The following MALT1 variants were observed in gnomAD, a reference collection of about 807,000 sequenced individuals.
MALT1 encodes mucosa-associated lymphoid tissue lymphoma translocation protein 1.
Under a neutral mutation model 85.5 loss-of-function variants are expected in MALT1, and 36 were observed. The ratio of observed to expected loss-of-function variants is 0.42; its 90% confidence interval spans 0.32 to 0.56. The LOEUF (loss-of-function observed/expected upper bound fraction) is 0.56. Among genes scored for constraint, MALT1 ranks in the 20% least tolerant of loss-of-function variants. The pLI, the probability that MALT1 is intolerant of heterozygous loss-of-function variation, is 0.10. For missense variants in MALT1, 716 were observed against 981.6 expected, an observed-to-expected ratio of 0.73 and a Z score of 3.62; for synonymous variants, 359 against 361.3, an observed-to-expected ratio of 0.99 and a Z score of 0.07.
At chr18:58,742,704 C>A (rs1415012918) in intron 14 of MALT1, among the ~76,000 whole-genome samples, 1 of 152,010 alleles carries the variant, frequency 6.6e-6, no homozygotes, top group African/African-American at 2.4e-5. Context: ...CAGAGCGAGA[C>A]TCTGTCTCGA....
intron 1 of MALT1, among the ~76,000 whole-genome samples, chr18:58,679,801 G>T (rs2054293925): frequency 6.6e-6 from 1 of 152,036 alleles, no homozygotes; most frequent in Non-Finnish European, 1.5e-5. Context: ...CGCGTGCCTT[G>T]GCCTCCCACA....
At chr18:58,702,859 A>G (rs1314928041) in intron 4 of MALT1, among the ~76,000 whole-genome samples, 1 of 152,220 alleles carries the variant, frequency 6.6e-6, no homozygotes, top group Non-Finnish European at 1.5e-5. Flanking sequence ...CAAGACAAAA[A>G]ACCAGTCTCC....
chr18:58,721,871 T>A (rs1278038085), intron 9 of MALT1, among the ~76,000 whole-genome samples: 1 of 152,214 alleles, frequency 6.6e-6, no homozygotes, highest in Non-Finnish European at 1.5e-5. Flanking sequence ...AGGGGTTGGT[T>A]ACCAAGTCCT....
chr18:58,722,872 C>T (rs542329413), intron 9 of MALT1, among the ~76,000 whole-genome samples, 176 bp from the exon 10 acceptor site: 1 of 152,078 alleles, frequency 6.6e-6, no homozygotes, highest in African/African-American at 2.4e-5. Flanking sequence ...CTGTGTTCCT[C>T]AGAGAATATT....
rs1215242813 is a variant in MALT1, at chr18:58,723,196, T to C, written c.1167T>C (p.Tyr389=). 6.2e-7 allele frequency: 1 copy of C among 1,613,884 alleles called. No homozygotes were observed. Among genetic ancestry groups the C allele is most frequent in the South Asian group, 1.1e-5 (1 of 91,070 alleles). The change falls in exon 10 of 17, where the codon TAT becomes TAC. Residue 389 remains tyrosine, a synonymous_variant. Transcript: ENST00000649217. ...TTTCACTGTTGGATCTTACTGAATATGAGATGCGTAATGCTGTGGATGAGT... is the reference window on the plus strand; with the variant it reads ...TTTCACTGTTGGATCTTACTGAATACGAGATGCGTAATGCTGTGGATGAGT... ...KVVSLLDLTE[Y]EMRNAVDEFL...
chr18:58,711,581 A>G (rs1165779144), intron 7 of MALT1, among the ~76,000 whole-genome samples: 1 of 152,176 alleles, frequency 6.6e-6, no homozygotes, highest in Non-Finnish European at 1.5e-5. Flanking sequence ...TAGCCAAAGC[A>G]TTGTACTTAA....
Position 58,685,804 on chromosome 18 carries a change from C to T in MALT1, c.376+4468C>T, listed in dbSNP as rs970530386. ...GGATGGTGTTCATCCCATTTTCCAGCGCTAGTAAATTGTTTCCCTACTTTT... is the reference window on the plus strand; with the variant it reads ...GGATGGTGTTCATCCCATTTTCCAGTGCTAGTAAATTGTTTCCCTACTTTT... On this transcript the variant is annotated intron_variant, in intron 2 of 16. Transcript: ENST00000649217. 1.8e-4 allele frequency among the ~76,000 whole-genome samples: 28 copies of T among 152,094 alleles called. 1 individual carries two copies. In the Middle Eastern group the frequency reaches 0.01, roughly 55 times the overall value.
At chr18:58,730,428 C>T (rs963154925) in intron 10 of MALT1, among the ~76,000 whole-genome samples, 35 of 152,138 alleles carry the variant, frequency 2.3e-4, no homozygotes, top group African/African-American at 8.0e-4. Context: ...TTATGTCTGC[C>T]TTCTTTCACT....
At chr18:58,700,944 T>C (rs539797391) in intron 4 of MALT1, among the ~76,000 whole-genome samples, 123 of 152,030 alleles carry the variant, frequency 8.1e-4, no homozygotes, top group African/African-American at 2.9e-3. Flanking sequence ...AGGCACATGC[T>C]ATCACACCTG....
At chr18:58,695,992 C>T (rs895176203) in intron 2 of MALT1, among the ~76,000 whole-genome samples, 3 of 152,226 alleles carry the variant, frequency 2.0e-5, no homozygotes, top group Admixed American at 6.5e-5. Flanking sequence ...TGAGCTAACA[C>T]TGAGAACTAC....
chr18:58,689,786 T>C (rs1450660510), intron 2 of MALT1, among the ~76,000 whole-genome samples: 8 of 152,060 alleles, frequency 5.3e-5, no homozygotes, highest in Non-Finnish European at 1.2e-4. Context: ...AACAGTAGAA[T>C]AGTGGAAGCC....
chr18:58,677,798 A>ATGT (rs1447307035), intron 1 of MALT1, among the ~76,000 whole-genome samples: 1 of 152,348 alleles, frequency 6.6e-6, no homozygotes, highest in East Asian at 1.9e-4. Flanking sequence ...ACATTTAACA[A>ATGT]GAATGGCATA....
At chr18:58,707,800 T>C (rs1307197562) in intron 4 of MALT1, among the ~76,000 whole-genome samples, 1 of 152,174 alleles carries the variant, frequency 6.6e-6, no homozygotes, top group Non-Finnish European at 1.5e-5. Context: ...ATCCAGTTTG[T>C]AGTTGTTAGG....
intron 10 of MALT1, among the ~76,000 whole-genome samples, chr18:58,728,300 A>G (rs1257857536): frequency 6.6e-6 from 1 of 152,226 alleles, no homozygotes; most frequent in Non-Finnish European, 1.5e-5. Context: ...GATGGAATTT[A>G]AAAACAACAA....
At chr18:58,732,673 C>CAAAT (rs1187557989) in intron 10 of MALT1, among the ~76,000 whole-genome samples, 1 of 146,102 alleles carries the variant, frequency 6.8e-6, no homozygotes, top group Non-Finnish European at 1.5e-5. Flanking sequence ...CAGGAACACA[C>CAAAT]AAATAAATAA....
intron 1 of MALT1, among the ~76,000 whole-genome samples, chr18:58,679,770 A>G (rs1304260632): frequency 6.6e-6 from 1 of 152,180 alleles, no homozygotes; most frequent in Admixed American, 6.5e-5. Context: ...GCTGGTCTCA[A>G]ACTCCTGGCT....
intron 2 of MALT1, chr18:58,691,354 G>T (rs576599727): frequency 3.5e-6 from 3 of 846,218 alleles, no homozygotes; most frequent in Admixed American, 2.0e-5. Flanking sequence ...TTTGCTTTTG[G>T]CATTGCCCTG....
In MALT1 at chr18:58,703,643, C is replaced by G. The variant is rs577497228; in HGVS notation, c.649+3052C>G. Among the ~76,000 whole-genome samples, 3 of 152,258 alleles carry G rather than the reference C, an allele frequency of 2.0e-5. No individual in the cohort carries two copies. In the East Asian group the frequency reaches 5.8e-4, roughly 29 times the overall value. On this transcript the variant is annotated intron_variant, in intron 4 of 16. Transcript: ENST00000649217. ...GTAAATAACCAGATCTGTGAGAACTCACTGTCACGAGAACAGCATGGGGGA... is the reference window on the plus strand; with the variant it reads ...GTAAATAACCAGATCTGTGAGAACTGACTGTCACGAGAACAGCATGGGGGA...
At chr18:58,719,552 C>A (rs2054954402) in intron 9 of MALT1, among the ~76,000 whole-genome samples, 1 of 152,080 alleles carries the variant, frequency 6.6e-6, no homozygotes, top group African/African-American at 2.4e-5. Flanking sequence ...GGGCTTAGAC[C>A]CTGAACTGGC....
Sources: allele counts gnomAD v4.1 joint callset (sites outside exome capture counted in the v4.1 genomes callset), GRCh38; gene constraint gnomAD v4.1.1; transcripts MANE v1.5; gene names NCBI Gene and HGNC (gene_info 2026-07-23, HGNC 2026-07-21).